Variants in CELSR3 observed in about 807,000 individuals in gnomAD.
CELSR3 encodes the protein EGF-like protein 1.
A neutral mutation model predicts 270.0 loss-of-function variants in CELSR3; 73 were observed. The ratio of observed to expected loss-of-function variants is 0.27; its 90% CI spans 0.22 to 0.33. CELSR3 has a LOEUF of 0.33. CELSR3 is among the 10% of genes least tolerant of loss of function. The probability of loss-of-function intolerance (pLI) is 1.00; values close to 1 mark genes in which losing one functional copy is unlikely to be tolerated. For missense variants in CELSR3, 3,614 were observed against 4,533.8 expected (o/e 0.80, Z 5.83); for synonymous variants, 1,780 against 1,905.4 (o/e 0.93, Z 1.71).
At position 48,640,253 on chromosome 3, in the gene CELSR3, C is replaced by T. The variant is rs200542829; in HGVS notation, c.9332G>A (p.Arg3111Gln). 7.6e-5 allele frequency: 123 copies of T among 1,612,788 alleles called. No individual in the cohort carries two copies. The East Asian group carries it at 9.4e-4, about 12-fold the overall frequency. The stretch of plus-strand genomic sequence containing the variant: ...GCTGCCCCGATCTTTGGGCTCCAGT[C>T]GGCCTGGTGCAGCATCCATGCATTC... ...SQECMDAAPG[R>Q]LEPKDRGSTL... Residue 3111 changes from arginine to glutamine, a missense_variant, in exon 34 of 35, where the codon CGA (arginine) becomes CAA (glutamine). Coordinates refer to ENST00000164024, the MANE Select transcript of CELSR3 (RefSeq NM_001407.3). The surrounding 1 kb of genome is among the most constrained non-coding windows in gnomAD (Gnocchi z 7.5).
chr3:48,651,808 C>T lies in CELSR3; in HGVS notation c.5923+69G>A, dbSNP rs975734824. 6.5e-7 allele frequency: 1 copy of T among 1,548,198 alleles called. No individual in the cohort carries two copies. Among genetic ancestry groups the T allele is most frequent in the Non-Finnish European group, 8.7e-7 (1 of 1,149,906 alleles). Reference sequence around the variant, plus strand: ...CCCGAGTCCCTGCCTCCTTCAGGTTCCCCAGTCTTCATCATGGGCCCCTAA... The same window carrying T: ...CCCGAGTCCCTGCCTCCTTCAGGTTTCCCAGTCTTCATCATGGGCCCCTAA... On this transcript the variant is annotated intron_variant, in intron 12 of 34. Coordinates refer to ENST00000164024, the MANE Select transcript of CELSR3 (RefSeq NM_001407.3). The surrounding 1 kb of genome is among the most constrained non-coding windows in gnomAD (Gnocchi z 7.4).
At position 48,651,166 on chromosome 3, in the gene CELSR3, C is replaced by T. The variant is rs975396712; in HGVS notation, c.6187-91G>A. 3.4e-6 allele frequency: 5 copies of T among 1,463,956 alleles called. No homozygotes were observed. The highest frequency in any genetic ancestry group is 2.8e-5 in the African/African-American group (2 of 71,040). The allele number at this position is 1,463,956 out of a possible 1,614,324, so 90.7% of individuals were successfully genotyped here. On this transcript the variant is annotated intron_variant, in intron 14 of 34. Transcript: ENST00000164024. The surrounding 1 kb of genome is among the most constrained non-coding windows in gnomAD (Gnocchi z 7.4). The stretch of plus-strand genomic sequence containing the variant: ...GATAAAGGGTCAAGAGAACAGTGCT[C>T]ATGGGCCAGAGGACACCTGGGTCAT...
At position 48,654,318 on chromosome 3, in the gene CELSR3, G is replaced by C. The variant is rs1559480169; in HGVS notation, c.5123C>G (p.Ala1708Gly). Residue 1708 changes from alanine to glycine, a missense_variant, in exon 7 of 35, where the codon GCT (alanine) becomes GGT (glycine). This residue lies in a region of CELSR3 where 1,331 missense variants were observed against 1,933.7 expected (regional missense o/e 0.69). Coordinates refer to ENST00000164024, the MANE Select transcript of CELSR3 (RefSeq NM_001407.3). This position sits in a 1 kb window ranked among gnomAD's most constrained non-coding sequence, Gnocchi z 5.4. ...HIDGRRVDMAAFVANNGTMAG... is the reference protein window; with the variant it reads ...HIDGRRVDMAGFVANNGTMAG... ...CATGGTGCCATTATTTGCGACAAAA[G>C]CCGCCATGTCCACTCGGCGGCCATC... 8 of 1,613,866 alleles carry C rather than the reference G, an allele frequency of 5.0e-6. No homozygotes were observed. Among genetic ancestry groups the C allele is most frequent in the Non-Finnish European group, 5.9e-6 (7 of 1,180,038 alleles).
Position 48,644,285 on chromosome 3 carries a change from G to C in CELSR3, c.8096C>G (p.Thr2699Ser). The C allele has an allele frequency of 6.2e-7, 1 of 1,613,086 alleles. No homozygotes were observed. The highest frequency in any genetic ancestry group is 8.5e-7 in the Non-Finnish European group (1 of 1,179,920). Residue 2699 changes from threonine to serine, a missense_variant, in exon 27 of 35, where the codon ACC becomes AGC. This residue lies in a region of CELSR3 where 1,240 missense variants were observed against 1,351.7 expected (regional missense o/e 0.92). Coordinates refer to ENST00000164024, the MANE Select transcript of CELSR3 (RefSeq NM_001407.3). This position sits in a 1 kb window ranked among gnomAD's most constrained non-coding sequence, Gnocchi z 4.8. ...TGTGCGGGCAGCGAGGAGAAACATG[G>C]TCCCGTTCATCTGGACCCACGGCCA... is the stretch of plus-strand genomic sequence containing the variant. The part of the protein sequence containing the change: ...PVVLVIVMNG[T>S]MFLLAARTSC...
In CELSR3 at chr3:48,650,662, CCCA is replaced by C. The variant is rs2047129056; in HGVS notation, c.6371-84_6371-82del. ...CACACCCACTGCCCCTCCACCACCC[CCCA>C]CAAGGCCCACTGCCCGCCACTCCTG... On this transcript the variant is annotated intron_variant, in intron 15 of 34. Transcript: ENST00000164024. This position sits in a 1 kb window ranked among gnomAD's most constrained non-coding sequence, Gnocchi z 5.1. The C allele has an allele frequency of 3.4e-6, 4 of 1,180,458 alleles. No individual in the cohort carries two copies. The East Asian group carries it at 7.6e-5, about 22-fold the overall frequency. The allele number at this position is 1,180,458 out of a possible 1,614,324, so 73.1% of individuals were successfully genotyped here. A position where few individuals can be genotyped will look rare whatever the true frequency, so the allele number is the denominator to read the frequency against.
In CELSR3 at chr3:48,640,938, G is replaced by A. The variant is rs191995880; in HGVS notation, c.9026-379C>T. The stretch of plus-strand genomic sequence containing the variant: ...CAGTCCCCAGGTCCCTGTGATGCAA[G>A]GGTGAGGGCAGAAACCTCTTCTCCG... On this transcript the variant is annotated intron_variant, in intron 33 of 34. Coordinates refer to ENST00000164024, the MANE Select transcript of CELSR3 (RefSeq NM_001407.3). The surrounding 1 kb of genome is among the most constrained non-coding windows in gnomAD (Gnocchi z 7.5). 4 of 391,056 alleles carry A rather than the reference G, an allele frequency of 1.0e-5. No homozygotes were observed. The East Asian group carries it at 1.8e-4, about 18-fold the overall frequency. The allele number at this position is 391,056 out of a possible 1,614,324, so 24.2% of individuals were successfully genotyped here. A position where few individuals can be genotyped will look rare whatever the true frequency, so the allele number is the denominator to read the frequency against.
Position 48,661,784 on chromosome 3 carries a change from C to A in CELSR3, c.851G>T (p.Cys284Phe). ...CCCGGGGCGCTGCGGGAGGAAGCGG[C>A]AGCGGAAGAGACCCCGGGAGCGCAT... ...KRMRSRGLFR[C>F]RFLPQRPGPR... is the part of the protein sequence containing the mutation. The change falls in exon 1 of 35, where the codon TGC becomes TTC. Residue 284 changes from cysteine (C) to phenylalanine (F), a missense_variant. Physicochemically the swap from Cys to Phe is radical, Grantham distance 205. Around this residue, in one of 7 missense-constraint regions of CELSR3, gnomAD observed 470 missense variants for 469.7 expected, o/e 1.00. Coordinates refer to ENST00000164024, the MANE Select transcript of CELSR3 (RefSeq NM_001407.3). 6.2e-7 allele frequency: 1 copy of A among 1,603,902 alleles called. No individual in the cohort carries two copies. The highest frequency in any genetic ancestry group is 1.1e-5 in the South Asian group (1 of 90,352).
At position 48,655,648 on chromosome 3, in the gene CELSR3, G is replaced by T; in HGVS notation, c.4741+88C>A. 2 of 1,163,088 alleles carry T rather than the reference G, an allele frequency of 1.7e-6. No homozygotes were observed. Among genetic ancestry groups the T allele is most frequent in the Non-Finnish European group, 2.6e-6 (2 of 773,164 alleles). 72.0% of individuals were successfully genotyped at this position (1,163,088 alleles called of 1,614,324 possible). A position where few individuals can be genotyped will look rare whatever the true frequency, so the allele number is the denominator to read the frequency against. On this transcript the variant is annotated intron_variant, in intron 4 of 34. Transcript: ENST00000164024. This position sits in a 1 kb window ranked among gnomAD's most constrained non-coding sequence, Gnocchi z 5.8. ...TGCATGGCGTGGAGTGTGTGCTCAGGTGCACAGTGAAGCAAACCTGAGGGG... is the reference window on the plus strand; with the variant it reads ...TGCATGGCGTGGAGTGTGTGCTCAGTTGCACAGTGAAGCAAACCTGAGGGG...
rs2047020280 is a variant in CELSR3, at chr3:48,640,905, G to C, written c.9026-346C>G. 2 of 429,886 alleles carry C rather than the reference G, an allele frequency of 4.7e-6. No individual in the cohort carries two copies. Among genetic ancestry groups the C allele is most frequent in the East Asian group, 8.2e-5 (2 of 24,538 alleles). The allele number at this position is 429,886 out of a possible 1,614,324, so 26.6% of individuals were successfully genotyped here. On this transcript the variant is annotated intron_variant, in intron 33 of 34. Transcript: ENST00000164024. The surrounding 1 kb of genome is among the most constrained non-coding windows in gnomAD (Gnocchi z 7.5). ...TGAAATGCAGGAACCCCCCGGGTTG[G>C]ACAGGAGCAGTCCCCAGGTCCCTGT...
chr3:48,654,850 G>A lies in CELSR3; in HGVS notation c.4988+194C>T, dbSNP rs2047166757. 6.6e-6 allele frequency among the ~76,000 whole-genome samples: 1 copy of A among 151,842 alleles called. No individual in the cohort carries two copies. Among genetic ancestry groups the A allele is most frequent in the Non-Finnish European group, 1.5e-5 (1 of 67,954 alleles). ...GCCTGGGGACTGTGTGTGGGAGGAG[G>A]GAGTATGGGGTGGAATACAGGATTG... On this transcript the variant is annotated intron_variant, in intron 6 of 34. Transcript: ENST00000164024. The surrounding 1 kb of genome is among the most constrained non-coding windows in gnomAD (Gnocchi z 5.4).
In CELSR3 at chr3:48,654,128, T is replaced by C. The variant is rs2106714874; in HGVS notation, c.5153-125A>G. The C allele has an allele frequency of 6.7e-7, 1 of 1,503,586 alleles. No homozygotes were observed. The highest frequency in any genetic ancestry group is 2.4e-5 in the East Asian group (1 of 42,192). 93.1% of individuals were successfully genotyped at this position (1,503,586 alleles called of 1,614,324 possible). ...TCTCAGCCCCATTTCCCATTTTCTT[T>C]CGATGAGTGGGGTTGGTAAGAGTCA... On this transcript the variant is annotated intron_variant, in intron 7 of 34. Coordinates refer to ENST00000164024, the MANE Select transcript of CELSR3 (RefSeq NM_001407.3). The surrounding 1 kb of genome is among the most constrained non-coding windows in gnomAD (Gnocchi z 5.4).
Position 48,639,542 on chromosome 3 carries a change from T to C in CELSR3, c.9911+132A>G. 2 of 1,228,090 alleles carry C rather than the reference T, an allele frequency of 1.6e-6. No individual in the cohort carries two copies. Among genetic ancestry groups the C allele is most frequent in the Admixed American group, 4.6e-5 (2 of 43,392 alleles). 76.1% of individuals were successfully genotyped at this position (1,228,090 alleles called of 1,614,324 possible). ...TGTCCCCAGCCTGTGGCCCTCTGGC[T>C]GTGCTGAGCCTGGGGTAGCCCACAC... On this transcript the variant is annotated intron_variant, in intron 34 of 34. Transcript: ENST00000164024. The surrounding 1 kb of genome is among the most constrained non-coding windows in gnomAD (Gnocchi z 4.1).
At position 48,644,123 on chromosome 3, in the gene CELSR3, A is replaced by C; in HGVS notation, c.8165+93T>G. 1 of 1,054,974 alleles carries C rather than the reference A, an allele frequency of 9.5e-7. No individual in the cohort carries two copies. Among genetic ancestry groups the C allele is most frequent in the East Asian group, 2.4e-5 (1 of 41,468 alleles). The allele number at this position is 1,054,974 out of a possible 1,614,324, so 65.4% of individuals were successfully genotyped here. A position where few individuals can be genotyped will look rare whatever the true frequency, so the allele number is the denominator to read the frequency against. On this transcript the variant is annotated intron_variant, in intron 27 of 34. Transcript: ENST00000164024. The surrounding 1 kb of genome is among the most constrained non-coding windows in gnomAD (Gnocchi z 4.8). Reference sequence around the variant, plus strand: ...TTCCTTCATCTAGAACTTGGAGCCCAACCTGCACCAGGGAAGATCTGGGGG... The same window carrying C: ...TTCCTTCATCTAGAACTTGGAGCCCCACCTGCACCAGGGAAGATCTGGGGG...
Position 48,655,922 on chromosome 3 carries a change from C to A in CELSR3, c.4626-71G>T. Reference sequence around the variant, plus strand: ...AGGGTACCACTTCACACCCACCATCCCTGCGAGGAGAAGGGGCTGGGGCGA... The same window carrying A: ...AGGGTACCACTTCACACCCACCATCACTGCGAGGAGAAGGGGCTGGGGCGA... On this transcript the variant is annotated intron_variant, in intron 3 of 34. Transcript: ENST00000164024. The surrounding 1 kb of genome is among the most constrained non-coding windows in gnomAD (Gnocchi z 5.8). 1 of 1,301,742 alleles carries A rather than the reference C, an allele frequency of 7.7e-7. No individual in the cohort carries two copies. The highest frequency in any genetic ancestry group is 1.1e-6 in the Non-Finnish European group (1 of 923,106). The allele number at this position is 1,301,742 out of a possible 1,614,324, so 80.6% of individuals were successfully genotyped here. A position where few individuals can be genotyped will look rare whatever the true frequency, so the allele number is the denominator to read the frequency against.
chr3:48,650,553 C>T lies in CELSR3; in HGVS notation c.6399G>A (p.Leu2133=), dbSNP rs2047128087. The change falls in exon 16 of 35, where the codon CTG becomes CTA. Residue 2133 remains leucine, a synonymous_variant. Coordinates refer to ENST00000164024, the MANE Select transcript of CELSR3 (RefSeq NM_001407.3). This position sits in a 1 kb window ranked among gnomAD's most constrained non-coding sequence, Gnocchi z 5.1. ...RVLYDACPKS[L]RSGVWWPQTK... is the part of the protein sequence containing the mutation. ...TCTGGGGCCACCACACACCAGATCT[C>T]AGGGACTTAGGGCAGGCATCATAGA... is the stretch of plus-strand genomic sequence containing the variant. 1.2e-6 allele frequency: 2 copies of T among 1,604,988 alleles called. No individual in the cohort carries two copies. The highest frequency in any genetic ancestry group is 1.7e-6 in the Non-Finnish European group (2 of 1,177,466).
In CELSR3 at chr3:48,637,870, T is replaced by G; in HGVS notation, c.*335A>C. ...GGGTTTGCTCAGGACCCAAATGGGGTCAAACTGCATCTCTCCCTCTATCTC... is the reference window on the plus strand; with the variant it reads ...GGGTTTGCTCAGGACCCAAATGGGGGCAAACTGCATCTCTCCCTCTATCTC... On this transcript the variant is annotated 3_prime_UTR_variant, in exon 35 of 35. Transcript: ENST00000164024. 3 of 334,372 alleles carry G rather than the reference T, an allele frequency of 9.0e-6. No homozygotes were observed. The highest frequency in any genetic ancestry group is 5.1e-5 in the East Asian group (1 of 19,768). 20.7% of individuals were successfully genotyped at this position (334,372 alleles called of 1,614,324 possible).
At chr3:48,648,201 C>A (rs2047105113) in intron 19 of CELSR3, 65 bp downstream of exon 19, 2 of 1,549,876 alleles carry the variant, frequency 1.3e-6, no homozygotes, top group Non-Finnish European at 1.8e-6. Context: ...GCCCCTCAGA[C>A]CTTCAGGTAC....
In CELSR3 at chr3:48,656,719, C is replaced by T. The variant is rs1214673398; in HGVS notation, c.4378G>A (p.Val1460Ile). 1.3e-6 allele frequency: 2 copies of T among 1,500,258 alleles called. No homozygotes were observed. Among genetic ancestry groups the T allele is most frequent in the South Asian group, 1.3e-5 (1 of 74,740 alleles). The allele number at this position is 1,500,258 out of a possible 1,614,324, so 92.9% of individuals were successfully genotyped here. A position where few individuals can be genotyped will look rare whatever the true frequency, so the allele number is the denominator to read the frequency against. Residue 1460 changes from valine to isoleucine, a missense_variant, in exon 2 of 35, where the codon GTC becomes ATC. Around this residue, in one of 7 missense-constraint regions of CELSR3, gnomAD observed 1,331 missense variants for 1,933.7 expected, o/e 0.69. Transcript: ENST00000164024. ...CARREGGYTC[V>I]CRPRFTGEDC... ...TCACCGGTGAAGCGCGGGCGGCAGA[C>T]GCACGTGTAGCCTCCCTCGCGCCGC...
rs561913731 is a variant in CELSR3, at chr3:48,658,343, G to A, written c.3748+544C>T. ...TTTCTGAAAGACTGGAGCAGATGGG[G>A]CAGGAAAGAGGCAAGTGGACCTCTG... On this transcript the variant is annotated intron_variant, in intron 1 of 34. Transcript: ENST00000164024. The surrounding 1 kb of genome is among the most constrained non-coding windows in gnomAD (Gnocchi z 4.7). Among the ~76,000 whole-genome samples the A allele has an allele frequency of 7.0e-4, 106 of 152,288 alleles. No homozygotes were observed. Among genetic ancestry groups the A allele is most frequent in the African/African-American group, 2.5e-3 (104 of 41,552 alleles).
Sources: allele counts gnomAD v4.1 joint callset (sites outside exome capture counted in the v4.1 genomes callset), GRCh38; gene constraint gnomAD v4.1.1; regional missense constraint gnomAD v4.1.1; non-coding constraint Gnocchi (gnomAD v3.1); transcripts MANE v1.5; gene names NCBI Gene and HGNC (gene_info 2026-07-23, HGNC 2026-07-21).